FAM53A: variants seen among roughly 807,000 people sequenced by gnomAD.
FAM53A encodes the protein family with sequence similarity 53 member A, also known as protein FAM53A.
In FAM53A, 28 loss-of-function variants were observed where a neutral mutation model predicts 26.6. The observed-to-expected ratio is 1.05, with a 90% CI of 0.78 to 1.45. FAM53A has a LOEUF of 1.45. Among genes scored for constraint, FAM53A ranks in the 40% most tolerant of loss-of-function variants. The pLI is 0.00. For synonymous variants in FAM53A, 290 were observed against 253.1 expected (o/e 1.15, Z -1.38); for missense variants, 650 against 575.8 (o/e 1.13, Z -1.32).
the FAM53A span, among the ~76,000 whole-genome samples, chr4:1,605,943 G>A: frequency 1.3e-5 from 2 of 152,080 alleles, no homozygotes; most frequent in African/African-American, 4.8e-5. The surrounding 1 kb of genome is among the most constrained non-coding windows in gnomAD (Gnocchi z 5.7). Flanking sequence ...AACTGGAAGT[G>A]CTCTCTTTGT....
downstream of FAM53A, among the ~76,000 whole-genome samples, chr4:1,636,562 G>A (rs577095360): frequency 5.3e-5 from 8 of 152,306 alleles, no homozygotes; most frequent in South Asian, 8.3e-4. Flanking sequence ...CTGAGCCCAC[G>A]GCCTCGGGCA....
the FAM53A span, among the ~76,000 whole-genome samples, chr4:1,607,170 C>T: frequency 6.6e-6 from 1 of 152,196 alleles, no homozygotes; most frequent in Middle Eastern, 3.2e-3. Flanking sequence ...AGGCATGCGC[C>T]ACCACACCCG....
the FAM53A span, among the ~76,000 whole-genome samples, chr4:1,587,345 T>C: frequency 6.6e-6 from 1 of 152,206 alleles, no homozygotes; most frequent in African/African-American, 2.4e-5. Context: ...TTCCCAAACC[T>C]GTTGCTTAAA....
At chr4:1,678,335 C>G (rs1291379572) in intron 1 of FAM53A, among the ~76,000 whole-genome samples, 1 of 152,090 alleles carries the variant, frequency 6.6e-6, no homozygotes, top group Non-Finnish European at 1.5e-5. Flanking sequence ...AGAGCAAGAC[C>G]CTGTCTCAAA....
chr4:1,637,019 A>T (rs1715875117), downstream of FAM53A, among the ~76,000 whole-genome samples: 1 of 152,134 alleles, frequency 6.6e-6, no homozygotes, highest in Non-Finnish European at 1.5e-5. Context: ...GAGAACAAGG[A>T]GCTCCCGCTG....
chr4:1,632,407 G>A lies in FAM53A; in HGVS notation c.432-14296C>T, dbSNP rs143951966. On this transcript the variant is annotated intron_variant, in intron 1 of 1. Transcript: ENST00000489029. ...GTGGCCCTCCTGATGCTTCCATCTC[G>A]GACTTCCAGCCTCCAGAACTGGGAG... 3.3e-4 allele frequency among the ~76,000 whole-genome samples: 50 copies of A among 152,128 alleles called. No homozygotes were observed. In the Middle Eastern group the frequency reaches 0.017, roughly 52 times the overall value.
At chr4:1,636,523 G>A (rs1378216956), downstream of FAM53A, among the ~76,000 whole-genome samples, 1 of 152,242 alleles carries the variant, frequency 6.6e-6, no homozygotes, top group Non-Finnish European at 1.5e-5. Flanking sequence ...GCTTCCCGCT[G>A]TACGTGGACT....
intron 2 of FAM53A, among the ~76,000 whole-genome samples, chr4:1,660,259 G>A (rs2108945173): frequency 6.6e-6 from 1 of 151,980 alleles, no homozygotes. Flanking sequence ...CTCCAGCCTG[G>A]GCAACAAGAG....
chr4:1,657,908 G>C (rs1400630861), intron 2 of FAM53A, among the ~76,000 whole-genome samples: 1 of 152,088 alleles, frequency 6.6e-6, no homozygotes, highest in East Asian at 1.9e-4. Context: ...TAAAGTGCTG[G>C]AATTACAGGC....
chr4:1,666,610 G>A (rs28530800), intron 2 of FAM53A, among the ~76,000 whole-genome samples: 89,152 of 152,286 alleles, frequency 0.59, 27,685 homozygotes, highest in East Asian at 0.89. Flanking sequence ...TGCCAAAAAT[G>A]TCCTCAGAGG....
intron 1 of FAM53A, among the ~76,000 whole-genome samples, chr4:1,621,258 C>G (rs955473245): frequency 1.3e-5 from 2 of 152,050 alleles, no homozygotes; most frequent in Non-Finnish European, 2.9e-5. Context: ...CGCCCGCCAC[C>G]TCACCCGGCT....
the FAM53A span, among the ~76,000 whole-genome samples, chr4:1,575,950 C>T: frequency 6.6e-6 from 1 of 152,184 alleles, no homozygotes; most frequent in African/African-American, 2.4e-5. Flanking sequence ...GAAGTGGCCC[C>T]AGGGCAGTGT....
chr4:1,641,733 G>A, intron 4 of FAM53A, 126 bp from the exon 5 acceptor site: 1 of 948,174 alleles, frequency 1.1e-6, no homozygotes, highest in South Asian at 1.4e-5. Flanking sequence ...ACAAAGCAGG[G>A]GCCTTGGTCC....
the FAM53A span, among the ~76,000 whole-genome samples, chr4:1,599,511 C>T: frequency 2.6e-5 from 4 of 152,164 alleles, no homozygotes; most frequent in Admixed American, 1.3e-4. This position sits in a 1 kb window ranked among gnomAD's most constrained non-coding sequence, Gnocchi z 6.1. Context: ...GCTGGGGAGG[C>T]GTGCGGCCTC....
At chr4:1,680,015 T>C (rs1198213964) in intron 1 of FAM53A, among the ~76,000 whole-genome samples, 2 of 95,070 alleles carry the variant, frequency 2.1e-5, no homozygotes, top group Admixed American at 1.4e-4. Flanking sequence ...AGGGCAAGAC[T>C]CCGTCTCAGA....
At chr4:1,684,627 G>A (rs1041796214), upstream of FAM53A, among the ~76,000 whole-genome samples, 5 of 151,906 alleles carry the variant, frequency 3.3e-5, no homozygotes, top group African/African-American at 1.2e-4. Context: ...GCGACCTGAG[G>A]CGGCGGGGCA....
intron 1 of FAM53A, among the ~76,000 whole-genome samples, chr4:1,671,562 CA>C (rs1301076920): frequency 8.3e-6 from 1 of 119,852 alleles, no homozygotes; most frequent in African/African-American, 3.1e-5. Flanking sequence ...CTCACAGCCA[CA>C]GCCACAGCCG....
the FAM53A span, among the ~76,000 whole-genome samples, chr4:1,603,923 C>T: frequency 2.0e-5 from 3 of 152,166 alleles, no homozygotes; most frequent in African/African-American, 7.2e-5. Flanking sequence ...CTCGGGGCGA[C>T]AGGGCCAAGG....
chr4:1,651,410 C>T (rs2108872708), intron 4 of FAM53A, among the ~76,000 whole-genome samples: 1 of 149,108 alleles, frequency 6.7e-6, no homozygotes, highest in Middle Eastern at 3.6e-3. Flanking sequence ...TGCATGCCTG[C>T]AACCCCAGCT....
Sources: allele counts gnomAD v4.1 joint callset (sites outside exome capture counted in the v4.1 genomes callset), GRCh38; gene constraint gnomAD v4.1.1; non-coding constraint Gnocchi (gnomAD v3.1); transcripts MANE v1.5; gene names NCBI Gene and HGNC (gene_info 2026-07-23, HGNC 2026-07-21).